Variants in DENND5B observed in about 807,000 individuals in gnomAD.
DENND5B encodes the protein DENN domain-containing protein 5B.
Under a neutral mutation model 140.6 loss-of-function variants are expected in DENND5B, and 34 were observed. The observed-to-expected ratio is 0.24, with a 90% CI of 0.18 to 0.32. The LOEUF is 0.32. DENND5B is among the 10% of genes least tolerant of loss of function. The pLI is 1.00. For synonymous variants in DENND5B, 551 were observed against 562.1 expected, an observed-to-expected ratio of 0.98 and a Z score of 0.28; for missense variants, 1,142 against 1,560.2, an observed-to-expected ratio of 0.73 and a Z score of 4.52.
chr12:31,482,364 C>T (rs1225187746), intron 2 of DENND5B, among the ~76,000 whole-genome samples: 1 of 152,152 alleles, frequency 6.6e-6, no homozygotes, highest in Non-Finnish European at 1.5e-5. Flanking sequence ...CTTACCATGT[C>T]CCAAACTGAA....
In DENND5B at chr12:31,423,685, C is replaced by T; in HGVS notation, c.2392-10G>A. The stretch of plus-strand genomic sequence containing the variant: ...ACAAAGCCGACTTCCCCTGAAAGTA[C>T]AAGATGTGTAAAAATTTCATAAGAA... On this transcript the variant is annotated splice_polypyrimidine_tract_variant and intron_variant, in intron 10 of 20. Transcript: ENST00000389082. 2.5e-6 allele frequency: 4 copies of T among 1,610,848 alleles called. No individual in the cohort carries two copies. Among genetic ancestry groups the T allele is most frequent in the Middle Eastern group, 1.7e-4 (1 of 6,060 alleles).
At chr12:31,556,240 T>C (rs902347658) in intron 1 of DENND5B, among the ~76,000 whole-genome samples, 4 of 152,284 alleles carry the variant, frequency 2.6e-5, no homozygotes, top group African/African-American at 9.6e-5. Context: ...AGTCTCACTC[T>C]GTCACCCAGA....
intron 17 of DENND5B, 100 bp from the exon 18 acceptor site, chr12:31,392,796 C>G: frequency 8.4e-7 from 1 of 1,193,204 alleles, no homozygotes; most frequent in Non-Finnish European, 1.2e-6. Context: ...AATACGTCAT[C>G]AGAGCAGGCT....
At chr12:31,471,349 C>T (rs1388624798) in intron 3 of DENND5B, among the ~76,000 whole-genome samples, 2 of 151,926 alleles carry the variant, frequency 1.3e-5, no homozygotes, top group Admixed American at 1.3e-4. Flanking sequence ...GAGTCTCGCT[C>T]TGTCACCTAG....
chr12:31,501,404 T>C (rs1946995363), intron 1 of DENND5B, among the ~76,000 whole-genome samples: 2 of 152,186 alleles, frequency 1.3e-5, no homozygotes, highest in African/African-American at 2.4e-5. Context: ...CCTTTATAAA[T>C]TGCCCGGTCT....
intron 1 of DENND5B, among the ~76,000 whole-genome samples, chr12:31,548,157 C>T (rs1459866205): frequency 6.6e-6 from 1 of 152,006 alleles, no homozygotes; most frequent in Admixed American, 6.6e-5. Flanking sequence ...TTTGGGAGGC[C>T]GAGGCAGGAG....
intron 1 of DENND5B, among the ~76,000 whole-genome samples, chr12:31,502,382 G>A (rs974546256): frequency 2.4e-4 from 37 of 152,064 alleles, no homozygotes; most frequent in African/African-American, 8.2e-4. Context: ...TATAAATCAT[G>A]TTTATCAATG....
intron 17 of DENND5B, 43 bp from the exon 18 acceptor site, chr12:31,392,739 A>G: frequency 6.6e-7 from 1 of 1,520,598 alleles, no homozygotes. Context: ...TGGGAGAGAA[A>G]TAAACCAAAG....
At chr12:31,398,751 C>T (rs1272830623) in intron 16 of DENND5B, among the ~76,000 whole-genome samples, 1 of 151,870 alleles carries the variant, frequency 6.6e-6, no homozygotes, top group Non-Finnish European at 1.5e-5. Flanking sequence ...TTTTTATTTT[C>T]TTTTTTTTCT....
chr12:31,464,595 C>G (rs1174303147), intron 3 of DENND5B, among the ~76,000 whole-genome samples: 4 of 152,156 alleles, frequency 2.6e-5, no homozygotes, highest in Non-Finnish European at 5.9e-5. Context: ...GGGTCTCACT[C>G]TCTCGTCCAG....
At chr12:31,443,936 C>G (rs1434982947) in intron 6 of DENND5B, 1 of 152,188 alleles carries the variant, frequency 6.6e-6, no homozygotes, top group Non-Finnish European at 1.5e-5. Context: ...GATTACTAAA[C>G]ATTTCTATTT....
intron 3 of DENND5B, among the ~76,000 whole-genome samples, chr12:31,462,996 T>TA (rs111342615): frequency 0.017 from 2,554 of 151,318 alleles, 66 homozygotes; most frequent in African/African-American, 0.059. Flanking sequence ...GCACAGTGGC[T>TA]CAAGACCTGC....
At chr12:31,428,218 T>C (rs1041415249) in intron 8 of DENND5B, among the ~76,000 whole-genome samples, 1 of 151,164 alleles carries the variant, frequency 6.6e-6, no homozygotes, top group Non-Finnish European at 1.5e-5. Context: ...GGCGGGTGCC[T>C]GTAATCCCAG....
chr12:31,393,951 A>C (rs1288077102), intron 17 of DENND5B, among the ~76,000 whole-genome samples: 3 of 152,090 alleles, frequency 2.0e-5, no homozygotes, highest in African/African-American at 7.2e-5. Flanking sequence ...CAGCCTCCCA[A>C]AGTGCTGGGA....
Position 31,413,550 on chromosome 12 carries a change from A to G in DENND5B, c.2567T>C (p.Met856Thr). Residue 856 changes from methionine to threonine, a missense_variant, in exon 13 of 21, where the codon ATG becomes ACG. Physicochemically the swap from Met to Thr is moderately conservative, Grantham distance 81. Coordinates refer to ENST00000389082, the MANE Select transcript of DENND5B (RefSeq NM_144973.4). ...LIQDMRHIQN[M>T]SEIKTDVGRA... is the part of the protein sequence containing the mutation. Reference sequence around the variant, plus strand: ...TCCAACATCAGTCTTGATCTCACTCATGTTTTGAATATGCCTAAAGAATAG... The same window carrying G: ...TCCAACATCAGTCTTGATCTCACTCGTGTTTTGAATATGCCTAAAGAATAG... 6.2e-7 allele frequency: 1 copy of G among 1,612,700 alleles called. No homozygotes were observed. The highest frequency in any genetic ancestry group is 2.2e-5 in the East Asian group (1 of 44,858).
chr12:31,551,304 A>C (rs1734127945), intron 1 of DENND5B, among the ~76,000 whole-genome samples: 1 of 152,154 alleles, frequency 6.6e-6, no homozygotes, highest in South Asian at 2.1e-4. Context: ...TCCCAGCACC[A>C]TTTATTAAAT....
At chr12:31,441,855 A>T (rs1944050311) in intron 7 of DENND5B, among the ~76,000 whole-genome samples, 1 of 151,142 alleles carries the variant, frequency 6.6e-6, no homozygotes, top group Non-Finnish European at 1.5e-5. Flanking sequence ...TAATTTTTCT[A>T]TCTTTTTTGT....
At chr12:31,537,408 T>C (rs563452021) in intron 1 of DENND5B, among the ~76,000 whole-genome samples, 2 of 152,150 alleles carry the variant, frequency 1.3e-5, no homozygotes, top group African/African-American at 4.8e-5. Context: ...TGTAAAATAA[T>C]AGGTTATAAG....
chr12:31,409,409 A>G (rs750425637), intron 13 of DENND5B, 25 bp from the exon 14 acceptor site: 1 of 1,484,914 alleles, frequency 6.7e-7, no homozygotes, highest in South Asian at 1.3e-5. Flanking sequence ...GACAAGCACA[A>G]GACAGTAGTA....
Sources: gnomAD v4.1 joint callset for allele counts (sites outside exome capture counted in the v4.1 genomes callset) on GRCh38, gnomAD v4.1.1 for gene constraint, MANE v1.5 for transcripts, NCBI Gene and HGNC (gene_info 2026-07-23, HGNC 2026-07-21) for gene names.